FCHSD2: variants seen among roughly 807,000 people sequenced by gnomAD.
FCHSD2 encodes the protein FCH and double SH3 domains 2.
Under a neutral mutation model 108.1 loss-of-function variants are expected in FCHSD2, and 38 were observed. That is an observed-to-expected ratio of 0.35 (90% CI 0.27 to 0.46). The LOEUF (loss-of-function observed/expected upper bound fraction) is 0.46, where lower values mean the gene tolerates loss of function less well. FCHSD2 is among the 20% of genes least tolerant of loss of function. FCHSD2 has a pLI of 1.00. For missense variants in FCHSD2, 751 were observed against 897.8 expected, an observed-to-expected ratio of 0.84 and a Z score of 2.09; for synonymous variants, 279 against 314.7, an observed-to-expected ratio of 0.89 and a Z score of 1.20.
intron 4 of FCHSD2, among the ~76,000 whole-genome samples, chr11:73,004,910 G>A (rs569982656): frequency 6.6e-6 from 1 of 152,216 alleles, no homozygotes; most frequent in South Asian, 2.1e-4. Context: ...GCCAACAGTG[G>A]CACTATCAGA....
chr11:72,851,021 C>A (rs1385860364), intron 13 of FCHSD2, among the ~76,000 whole-genome samples: 1 of 150,350 alleles, frequency 6.7e-6, no homozygotes, highest in Non-Finnish European at 1.5e-5. Context: ...ATTTCTTGAA[C>A]CCAGGAGGTG....
intron 2 of FCHSD2, among the ~76,000 whole-genome samples, chr11:73,091,325 G>A (rs1383014067): frequency 6.6e-6 from 1 of 152,112 alleles, no homozygotes; most frequent in Non-Finnish European, 1.5e-5. Context: ...GATCACTTGA[G>A]GTCAGGAGTT....
chr11:72,897,348 G>A (rs1855444409), intron 10 of FCHSD2, among the ~76,000 whole-genome samples: 1 of 144,278 alleles, frequency 6.9e-6, no homozygotes, highest in Non-Finnish European at 1.5e-5. Context: ...GGATAGTTGT[G>A]TCTGTACTGA....
chr11:73,113,303 C>T (rs1427949226), intron 2 of FCHSD2, among the ~76,000 whole-genome samples: 2 of 146,032 alleles, frequency 1.4e-5, no homozygotes, highest in Non-Finnish European at 3.0e-5. Context: ...TTCTCCAGGA[C>T]TGTTCCCTGG....
At chr11:72,959,252 C>T (rs1327892509) in intron 8 of FCHSD2, among the ~76,000 whole-genome samples, 23 of 41,786 alleles carry the variant, frequency 5.5e-4, no homozygotes, top group African/African-American at 2.2e-3. Flanking sequence ...TTTTTTGAGA[C>T]GGAGTCTCGC....
intron 3 of FCHSD2, among the ~76,000 whole-genome samples, chr11:73,037,650 T>A (rs773601061): frequency 1.3e-5 from 2 of 152,228 alleles, no homozygotes; most frequent in African/African-American, 2.4e-5. Flanking sequence ...CCATACTGAT[T>A]ATGTTATGAA....
At chr11:72,888,244 G>A (rs906821313) in intron 11 of FCHSD2, among the ~76,000 whole-genome samples, 3 of 152,204 alleles carry the variant, frequency 2.0e-5, no homozygotes, top group South Asian at 2.1e-4. Flanking sequence ...ATGTTGAATC[G>A]TGGATGACTA....
Position 73,141,788 on chromosome 11 carries a change from G to C in FCHSD2, c.21+69C>G, listed in dbSNP as rs1045773605. The C allele has an allele frequency of 2.0e-6, 3 of 1,470,240 alleles. No homozygotes were observed. The Admixed American group carries it at 6.2e-5, about 30-fold the overall frequency. The allele number at this position is 1,470,240 out of a possible 1,614,324, so 91.1% of individuals were successfully genotyped here. A position where few individuals can be genotyped will look rare whatever the true frequency, so the allele number is the denominator to read the frequency against. On this transcript the variant is annotated intron_variant, in intron 1 of 19. Transcript: ENST00000409418. ...CCTTGCGGGAGGGGGAAGGGGCGCAGCGGTCGCCCCAGCCGCGTTCCGCGT... is the reference window on the plus strand; with the variant it reads ...CCTTGCGGGAGGGGGAAGGGGCGCACCGGTCGCCCCAGCCGCGTTCCGCGT...
At chr11:72,904,235 G>C (rs1238169650) in intron 9 of FCHSD2, among the ~76,000 whole-genome samples, 1 of 152,140 alleles carries the variant, frequency 6.6e-6, no homozygotes, top group Admixed American at 6.5e-5. Context: ...TTTTAAGCTA[G>C]AATAGCTGTG....
chr11:72,897,210 T>C (rs915893181), intron 10 of FCHSD2, among the ~76,000 whole-genome samples: 6 of 152,118 alleles, frequency 3.9e-5, no homozygotes, highest in African/African-American at 9.7e-5. Context: ...AAATGCTTAG[T>C]ATCCTATTTA....
At chr11:73,060,599 T>C (rs1859137558) in intron 3 of FCHSD2, among the ~76,000 whole-genome samples, 1 of 152,196 alleles carries the variant, frequency 6.6e-6, no homozygotes, top group Non-Finnish European at 1.5e-5. Flanking sequence ...GAAGACCATG[T>C]AATTATTTCA....
At chr11:72,916,968 CTTTTTTTTTT>C (rs71062793) in intron 9 of FCHSD2, among the ~76,000 whole-genome samples, 2 of 118,800 alleles carry the variant, frequency 1.7e-5, no homozygotes, top group African/African-American at 6.5e-5. Flanking sequence ...GAACTTCATT[CTTTTTTTTTT>C]TTTTTTTTTT....
chr11:73,055,492 A>G lies in FCHSD2; in HGVS notation c.165+28203T>C, dbSNP rs996270598. Among the ~76,000 whole-genome samples the G allele has an allele frequency of 2.6e-5, 4 of 152,238 alleles. No individual in the cohort carries two copies. The East Asian group carries it at 5.8e-4, about 22-fold the overall frequency. On this transcript the variant is annotated intron_variant, in intron 3 of 19. Coordinates refer to ENST00000409418, the MANE Select transcript of FCHSD2 (RefSeq NM_014824.3). Reference sequence around the variant, plus strand: ...ACCATCCAATAAAATCTGATAAGAAATAAGACAAAGTTTTAAACCTTGAGA... The same window carrying G: ...ACCATCCAATAAAATCTGATAAGAAGTAAGACAAAGTTTTAAACCTTGAGA...
intron 2 of FCHSD2, among the ~76,000 whole-genome samples, chr11:73,126,264 T>C (rs950802910): frequency 4.4e-5 from 6 of 136,154 alleles, no homozygotes; most frequent in African/African-American, 1.6e-4. Context: ...CGCTTGAACC[T>C]GGGAGGCAGA....
chr11:73,018,603 A>C lies in FCHSD2; in HGVS notation c.166-2718T>G, dbSNP rs1184177721. ...GATACCGATAAGATCCACTGATTGC[A>C]TGGATAAATGCCACCTACATTACTC... is the stretch of plus-strand genomic sequence containing the variant. On this transcript the variant is annotated intron_variant, in intron 3 of 19. Coordinates refer to ENST00000409418, the MANE Select transcript of FCHSD2 (RefSeq NM_014824.3). Among the ~76,000 whole-genome samples the C allele has an allele frequency of 2.6e-5, 4 of 151,306 alleles. No individual in the cohort carries two copies. In the East Asian group the frequency reaches 7.8e-4, roughly 29 times the overall value.
chr11:72,941,468 G>T (rs61896229), intron 8 of FCHSD2, among the ~76,000 whole-genome samples: 1 of 151,048 alleles, frequency 6.6e-6, no homozygotes, highest in Non-Finnish European at 1.5e-5. Context: ...ATAAAATATA[G>T]ACTCCCAACT....
rs1855981354 is a variant in FCHSD2 at position 72,921,867 on chromosome 11, C to T, written c.789G>A (p.Val263=). 6.2e-7 allele frequency: 1 copy of T among 1,610,080 alleles called. No homozygotes were observed. The highest frequency in any genetic ancestry group is 8.5e-7 in the Non-Finnish European group (1 of 1,177,810). The change falls in exon 9 of 20, where the codon GTG becomes GTA. Residue 263 remains valine (V), a synonymous_variant. Transcript: ENST00000409418. ...CTAATAAAAACTGGAATGTGTTCTG[C>T]ACAGCTTGGCATGTTTCTAGCTCAG... The part of the protein sequence containing the change: ...SRTELETCQA[V]QNTFQFLLEN...
At chr11:72,955,981 A>G (rs547271105) in intron 8 of FCHSD2, among the ~76,000 whole-genome samples, 2 of 152,162 alleles carry the variant, frequency 1.3e-5, no homozygotes, top group Non-Finnish European at 2.9e-5. Context: ...ATCATCCTCC[A>G]CTAAAAGGAA....
intron 8 of FCHSD2, among the ~76,000 whole-genome samples, chr11:72,966,221 G>A (rs940672295): frequency 6.8e-6 from 1 of 147,992 alleles, no homozygotes; most frequent in Non-Finnish European, 1.5e-5. Flanking sequence ...GTGCAGTGGT[G>A]CGATGTCGGC....
Sources: allele counts gnomAD v4.1 joint callset (sites outside exome capture counted in the v4.1 genomes callset), GRCh38; gene constraint gnomAD v4.1.1; transcripts MANE v1.5; gene names NCBI Gene and HGNC (gene_info 2026-07-23, HGNC 2026-07-21).